STK32C: variants seen among roughly 807,000 people sequenced by gnomAD.
STK32C encodes serine/threonine kinase 32C.
STK32C carries 31 observed loss-of-function variants against 56.5 expected under a neutral mutation model. The observed-to-expected ratio is 0.55, with a 90% CI of 0.41 to 0.74. The LOEUF (loss-of-function observed/expected upper bound fraction) is 0.74. Among genes scored for constraint, STK32C ranks in the 30% least tolerant of loss-of-function variants. STK32C has a pLI of 0.00. For missense variants in STK32C, 544 were observed against 676.9 expected (o/e 0.80, Z 2.18); for synonymous variants, 309 against 289.4 (o/e 1.07, Z -0.69).
intron 1 of STK32C, among the ~76,000 whole-genome samples, chr10:132,282,159 G>T (rs1238773295): frequency 6.6e-6 from 1 of 152,200 alleles, no homozygotes; most frequent in Non-Finnish European, 1.5e-5. Flanking sequence ...CTTGGGAAGA[G>T]CGGATGTGCT....
chr10:132,243,451 G>C (rs1426023792), intron 2 of STK32C, among the ~76,000 whole-genome samples: 1 of 152,092 alleles, frequency 6.6e-6, no homozygotes, highest in Non-Finnish European at 1.5e-5. Flanking sequence ...GGGGCGGAGG[G>C]CAGGCTGGAC....
chr10:132,213,986 G>A (rs532284046), intron 10 of STK32C, among the ~76,000 whole-genome samples: 2 of 151,942 alleles, frequency 1.3e-5, no homozygotes, highest in Non-Finnish European at 2.9e-5. Context: ...AAAAAAAAAA[G>A]AGTGAAAAAA....
At chr10:132,322,597 T>C (rs1177254550), downstream of STK32C, among the ~76,000 whole-genome samples, 1 of 152,216 alleles carries the variant, frequency 6.6e-6, no homozygotes, top group Non-Finnish European at 1.5e-5. Flanking sequence ...GTAATGGGCA[T>C]GCATCTCAAC....
At chr10:132,331,802 G>A (rs762276894) in exon 1 of STK32C, 19 of 1,597,012 alleles carry the variant, frequency 1.2e-5, no homozygotes, top group Non-Finnish European at 1.6e-5. Flanking sequence ...GTCTCTACTT[G>A]CCCGTCGACC....
intron 10 of STK32C, among the ~76,000 whole-genome samples, chr10:132,212,892 G>A (rs998617540): frequency 6.6e-6 from 1 of 152,262 alleles, no homozygotes; most frequent in Non-Finnish European, 1.5e-5. Flanking sequence ...AGAGACAGGT[G>A]AGCAAAGTCA....
intron 2 of STK32C, among the ~76,000 whole-genome samples, chr10:132,230,034 G>A (rs572118580): frequency 2.0e-5 from 3 of 152,338 alleles, no homozygotes; most frequent in East Asian, 1.9e-4. Flanking sequence ...GCCCAGAGGC[G>A]CGTGTGCTGA....
chr10:132,241,609 G>A (rs1258738838), intron 2 of STK32C, among the ~76,000 whole-genome samples: 1 of 152,170 alleles, frequency 6.6e-6, no homozygotes, highest in African/African-American at 2.4e-5. Context: ...TTGACAAGAC[G>A]TATTCAGAAG....
intron 1 of STK32C, among the ~76,000 whole-genome samples, chr10:132,305,139 C>A (rs557931280): frequency 5.3e-4 from 81 of 152,160 alleles, no homozygotes; most frequent in Non-Finnish European, 1.1e-3. Flanking sequence ...GAATTTTTCA[C>A]CGAAGTCAGA....
chr10:132,232,732 ACGC>A (rs2063145364), intron 2 of STK32C, among the ~76,000 whole-genome samples: 1 of 135,666 alleles, frequency 7.4e-6, no homozygotes, highest in African/African-American at 3.0e-5. Flanking sequence ...GGAGGCCACA[ACGC>A]CACCCGGAGC....
At chr10:132,281,236 C>A (rs533610798) in intron 1 of STK32C, among the ~76,000 whole-genome samples, 1 of 152,032 alleles carries the variant, frequency 6.6e-6, no homozygotes, top group East Asian at 2.0e-4. Context: ...GAGTGACCTT[C>A]AGGCCCCATC....
chr10:132,234,312 C>T (rs1352591838), intron 2 of STK32C, among the ~76,000 whole-genome samples: 1 of 152,212 alleles, frequency 6.6e-6, no homozygotes, highest in Non-Finnish European at 1.5e-5. Flanking sequence ...CCTGACACTT[C>T]CCGATGCATC....
At chr10:132,264,908 T>TA (rs2064447104) in intron 1 of STK32C, among the ~76,000 whole-genome samples, 1 of 152,266 alleles carries the variant, frequency 6.6e-6, no homozygotes, top group African/African-American at 2.4e-5. Flanking sequence ...GGAAAGACGT[T>TA]AAACTATGTT....
intron 1 of STK32C, among the ~76,000 whole-genome samples, chr10:132,313,859 T>C (rs1283137698): frequency 6.6e-6 from 1 of 152,250 alleles, no homozygotes; most frequent in East Asian, 1.9e-4. Flanking sequence ...GTGCTAGCTC[T>C]GGCTTCCTGA....
intron 10 of STK32C, among the ~76,000 whole-genome samples, chr10:132,211,367 G>A (rs1382126497): frequency 6.6e-6 from 1 of 152,204 alleles, no homozygotes; most frequent in Non-Finnish European, 1.5e-5. Context: ...ATGAGCGCCC[G>A]TCGTGGCCCT....
chr10:132,280,011 G>A (rs371624220), intron 1 of STK32C, among the ~76,000 whole-genome samples: 2 of 130,338 alleles, frequency 1.5e-5, no homozygotes, highest in African/African-American at 3.0e-5. Context: ...CTGTGACCAC[G>A]CCCCTGCACT....
At chr10:132,231,263 C>T (rs1022293943) in intron 2 of STK32C, among the ~76,000 whole-genome samples, 7 of 146,490 alleles carry the variant, frequency 4.8e-5, no homozygotes, top group Non-Finnish European at 3.0e-5. Flanking sequence ...CCACTTGCCT[C>T]CAGCCTGTTA....
intron 1 of STK32C, among the ~76,000 whole-genome samples, chr10:132,251,752 G>C (rs577591802): frequency 2.1e-4 from 31 of 148,874 alleles, no homozygotes; most frequent in African/African-American, 7.4e-4. Context: ...ACACCTCCTG[G>C]GGCCTCCGAC....
In STK32C at chr10:132,225,342, C is replaced by T. The variant is rs781202657; in HGVS notation, c.773-6G>A. ...AGAGTGGAAGATCTCCGGAGCTTTC[C>T]GACAGAAAGAAGGAAAAACAGCTGC... On this transcript the variant is annotated splice_region_variant and splice_polypyrimidine_tract_variant and intron_variant, in intron 6 of 11. Coordinates refer to ENST00000298630, the MANE Select transcript of STK32C (RefSeq NM_173575.4). The T allele has an allele frequency of 3.1e-6, 5 of 1,605,058 alleles. No homozygotes were observed. The highest frequency in any genetic ancestry group is 1.3e-5 in the African/African-American group (1 of 74,576).
chr10:132,304,082 C>A (rs752356561), intron 1 of STK32C, among the ~76,000 whole-genome samples: 6 of 152,218 alleles, frequency 3.9e-5, no homozygotes, highest in Non-Finnish European at 8.8e-5. Context: ...AATGTCGTTC[C>A]TAAAAATGTA....
Sources: allele counts gnomAD v4.1 joint callset (sites outside exome capture counted in the v4.1 genomes callset), GRCh38; gene constraint gnomAD v4.1.1; transcripts MANE v1.5; gene names NCBI Gene and HGNC (gene_info 2026-07-23, HGNC 2026-07-21).